FBLN5: variants seen among roughly 807,000 people sequenced by gnomAD.
FBLN5 encodes the protein fibulin 5.
FBLN5 carries 24 observed loss-of-function variants against 61.6 expected under a neutral mutation model. That is an observed-to-expected ratio of 0.39 (90% confidence interval 0.28 to 0.55). FBLN5 has a LOEUF of 0.55. FBLN5 is among the 20% of genes least tolerant of loss of function. The pLI is 0.65. For missense variants in FBLN5, 470 were observed against 594.1 expected, an observed-to-expected ratio of 0.79 and a Z score of 2.17; for synonymous variants, 213 against 219.8, an observed-to-expected ratio of 0.97 and a Z score of 0.27.
At chr14:91,903,731 C>G (rs1890556974) in intron 4 of FBLN5, among the ~76,000 whole-genome samples, 1 of 152,180 alleles carries the variant, frequency 6.6e-6, no homozygotes, top group African/African-American at 2.4e-5. Flanking sequence ...CCACAGTCAT[C>G]CTTAAATCTT....
chr14:91,940,830 C>T (rs140907919), intron 2 of FBLN5, among the ~76,000 whole-genome samples: 2 of 152,124 alleles, frequency 1.3e-5, no homozygotes, highest in African/African-American at 4.8e-5. Flanking sequence ...CCAGGCCAGG[C>T]GCAGTGGCTC....
rs183142733 is a variant in FBLN5, at chr14:91,924,259, T to A, written c.379+12688A>T. On this transcript the variant is annotated intron_variant, in intron 4 of 10. Transcript: ENST00000342058. Reference sequence around the variant, plus strand: ...TAAATGGATAAATGAATTCCATCAGTGGTCATAAGTTAACCTATGTAGAAA... The same window carrying A: ...TAAATGGATAAATGAATTCCATCAGAGGTCATAAGTTAACCTATGTAGAAA... 2.1e-4 allele frequency among the ~76,000 whole-genome samples: 32 copies of A among 152,358 alleles called. No individual in the cohort carries two copies. The East Asian group carries it at 6.2e-3, about 29-fold the overall frequency.
In FBLN5 at chr14:91,877,901, G is replaced by T. The variant is rs1041359935; in HGVS notation, c.990-219C>A. The stretch of plus-strand genomic sequence containing the variant: ...AATGGACTTTTCTCACCAACCAGAT[G>T]TTCTGGCTACTAAATAGAATACAAA... On this transcript the variant is annotated intron_variant, in intron 9 of 10. Transcript: ENST00000342058. 2.0e-5 allele frequency: 13 copies of T among 642,428 alleles called. No individual in the cohort carries two copies. In the Admixed American group the frequency reaches 2.6e-4, roughly 13 times the overall value. The allele number at this position is 642,428 out of a possible 1,614,324, so 39.8% of individuals were successfully genotyped here. A position where few individuals can be genotyped will look rare whatever the true frequency, so the allele number is the denominator to read the frequency against.
At chr14:91,883,510 G>A (rs1331823403) in intron 7 of FBLN5, among the ~76,000 whole-genome samples, 1 of 151,922 alleles carries the variant, frequency 6.6e-6, no homozygotes, top group African/African-American at 2.4e-5. Flanking sequence ...GCCCTCTGAA[G>A]GGGCAACTTT....
intron 4 of FBLN5, among the ~76,000 whole-genome samples, chr14:91,898,293 TTGAA>T (rs1890308925): frequency 6.6e-6 from 1 of 152,074 alleles, no homozygotes; most frequent in African/African-American, 2.4e-5. Flanking sequence ...TCAAGAACTA[TTGAA>T]TGAATGAACA....
intron 4 of FBLN5, among the ~76,000 whole-genome samples, chr14:91,919,345 AAAAAAGAAAAGAAAAGAAAAG>A (rs1177271239): frequency 8.8e-6 from 1 of 113,244 alleles, no homozygotes; most frequent in Non-Finnish European, 1.8e-5. Flanking sequence ...AAAAGAAAAA[AAAAAAGAAAAGAAAAGAAAAG>A]AAAAGAAAAG....
At chr14:91,912,240 T>C (rs2140008952) in intron 4 of FBLN5, among the ~76,000 whole-genome samples, 1 of 152,356 alleles carries the variant, frequency 6.6e-6, no homozygotes, top group Middle Eastern at 3.4e-3. Context: ...CTCATGCCTG[T>C]AATCCCAACA....
intron 7 of FBLN5, among the ~76,000 whole-genome samples, chr14:91,883,664 A>AAC (rs1555375094): frequency 2.0e-5 from 3 of 148,396 alleles, no homozygotes; most frequent in African/African-American, 7.6e-5. Flanking sequence ...AAACAAAAAA[A>AAC]ACACACACAC....
chr14:91,921,763 G>A (rs954847531), intron 4 of FBLN5, among the ~76,000 whole-genome samples: 3 of 152,210 alleles, frequency 2.0e-5, no homozygotes, highest in Non-Finnish European at 2.9e-5. Flanking sequence ...GAATGAGCCC[G>A]CAATGTGAAG....
Position 91,887,551 on chromosome 14 carries a change from A to G in FBLN5, c.620-239T>C, listed in dbSNP as rs7153262. ...TCAAAAGTCAGGCAAAGTGGAAACC[A>G]TATGTATACACATGATATAAACATA... On this transcript the variant is annotated intron_variant, in intron 6 of 10. Coordinates refer to ENST00000342058, the MANE Select transcript of FBLN5 (RefSeq NM_006329.4). Among the ~76,000 whole-genome samples, 1,140 of 152,168 alleles carry G rather than the reference A, an allele frequency of 7.5e-3. 5 individuals are homozygous for G. Among genetic ancestry groups the G allele is most frequent in the Non-Finnish European group, 0.013 (906 of 68,022 alleles).
intron 4 of FBLN5, among the ~76,000 whole-genome samples, chr14:91,918,547 T>C (rs1171679169): frequency 6.6e-6 from 1 of 152,144 alleles, no homozygotes. Flanking sequence ...GAGCACCCAG[T>C]TTGTAGATTC....
intron 4 of FBLN5, among the ~76,000 whole-genome samples, chr14:91,898,778 CTCAT>C (rs1237233352): frequency 2.7e-5 from 4 of 149,080 alleles, no homozygotes; most frequent in African/African-American, 4.9e-5. Context: ...CACTTGCTCA[CTCAT>C]TCATTCATTC....
intron 1 of FBLN5, among the ~76,000 whole-genome samples, chr14:91,946,518 G>GCACACA (rs34059355): frequency 6.7e-6 from 1 of 149,480 alleles, no homozygotes; most frequent in South Asian, 2.1e-4. Flanking sequence ...TTAGTTTTCA[G>GCACACA]CACACACACA....
intron 2 of FBLN5, among the ~76,000 whole-genome samples, chr14:91,940,951 T>TA (rs201221729): frequency 1.4e-5 from 2 of 145,314 alleles, no homozygotes; most frequent in African/African-American, 5.3e-5. Context: ...AAACTTTATT[T>TA]AAAAAAAAAC....
rs367910763 is a variant in FBLN5 at position 91,882,597 on chromosome 14, GC to G, written c.862+356del. Among the ~76,000 whole-genome samples, 1 of 152,344 alleles carries G rather than the reference GC, an allele frequency of 6.6e-6. No individual in the cohort carries two copies. Among genetic ancestry groups the G allele is most frequent in the African/African-American group, 2.4e-5 (1 of 41,574 alleles). The stretch of plus-strand genomic sequence containing the variant: ...GCCACGTAAGAAAGCCCGGGCTCTG[GC>G]CAGGCCATAAAAGTCCTGCTTAGCT... On this transcript the variant is annotated intron_variant, in intron 8 of 10. Transcript: ENST00000342058. The surrounding 1 kb of genome is among the most constrained non-coding windows in gnomAD (Gnocchi z 4.9).
At chr14:91,899,525 G>A (rs1221347315) in intron 4 of FBLN5, among the ~76,000 whole-genome samples, 3 of 152,182 alleles carry the variant, frequency 2.0e-5, no homozygotes, top group African/African-American at 7.2e-5. Flanking sequence ...ACCTGCACTG[G>A]CACCTCTCCC....
At chr14:91,931,954 T>G (rs1447230476) in intron 4 of FBLN5, among the ~76,000 whole-genome samples, 3 of 152,148 alleles carry the variant, frequency 2.0e-5, no homozygotes. Context: ...CCCCACACCG[T>G]CCTTCTCTGG....
At chr14:91,890,929 G>T (rs1275262187) in intron 6 of FBLN5, among the ~76,000 whole-genome samples, 1 of 152,152 alleles carries the variant, frequency 6.6e-6, no homozygotes, top group African/African-American at 2.4e-5. Flanking sequence ...AGCCAGCAAG[G>T]CTACTTCTGG....
chr14:91,899,519 G>A (rs1595312331), intron 4 of FBLN5, among the ~76,000 whole-genome samples: 1 of 152,214 alleles, frequency 6.6e-6, no homozygotes, highest in Admixed American at 6.5e-5. Flanking sequence ...AGTCTCACCT[G>A]CACTGGCACC....
Sources: gnomAD v4.1 joint callset for allele counts (sites outside exome capture counted in the v4.1 genomes callset) on GRCh38, gnomAD v4.1.1 for gene constraint, Gnocchi (gnomAD v3.1) non-coding constraint, MANE v1.5 for transcripts, NCBI Gene and HGNC (gene_info 2026-07-23, HGNC 2026-07-21) for gene names.